Variants in TNFAIP8L1 observed in about 807,000 individuals in gnomAD.
TNFAIP8L1 encodes the protein TNF alpha induced protein 8 like 1.
For synonymous variants in TNFAIP8L1, 127 were observed against 125.6 expected, an observed-to-expected ratio of 1.01 and a Z score of -0.08; for missense variants, 225 against 266.1, an observed-to-expected ratio of 0.85 and a Z score of 1.08.
chr19:4,644,708 A>C (rs530241622), intron 1 of TNFAIP8L1, among the ~76,000 whole-genome samples: 2 of 144,704 alleles, frequency 1.4e-5, no homozygotes, highest in African/African-American at 5.2e-5. Context: ...GGTTCATGCG[A>C]GTCTCGTGAC....
intron 1 of TNFAIP8L1, among the ~76,000 whole-genome samples, chr19:4,646,515 T>C (rs2088312594): frequency 6.6e-6 from 1 of 151,988 alleles, no homozygotes; most frequent in Non-Finnish European, 1.5e-5. Context: ...AACATTCCAT[T>C]ACCACTCACC....
Position 4,652,119 on chromosome 19 carries a change from C to G in TNFAIP8L1, c.250C>G (p.Leu84Val). ...LRGDQLGGEE[L>V]ALLRRFRHRA... is the part of the protein sequence containing the mutation. The stretch of plus-strand genomic sequence containing the variant: ...TGGGGACCAGCTGGGCGGTGAGGAG[C>G]TGGCGCTGCTGCGGCGCTTCCGCCA... The change falls in exon 2 of 2, where the codon CTG becomes GTG. Residue 84 changes from leucine to valine, a missense_variant. Leu to Val is a conservative substitution (Grantham distance 32). Coordinates refer to ENST00000327473, the MANE Select transcript of TNFAIP8L1 (RefSeq NM_152362.3). The G allele has an allele frequency of 6.3e-7, 1 of 1,584,120 alleles. No individual in the cohort carries two copies. Among genetic ancestry groups the G allele is most frequent in the Non-Finnish European group, 8.6e-7 (1 of 1,165,608 alleles).
chr19:4,655,402 A>T lies in TNFAIP8L1; in HGVS notation c.*2972A>T, dbSNP rs1403322063. On this transcript the variant is annotated 3_prime_UTR_variant, in exon 2 of 2. Transcript: ENST00000327473. Reference sequence around the variant, plus strand: ...TACATGGATCCTGATTTTCTCACGAAGTCCCGATGGAACCCTGTGCTGTTG... The same window carrying T: ...TACATGGATCCTGATTTTCTCACGATGTCCCGATGGAACCCTGTGCTGTTG... 1 of 152,240 alleles carries T rather than the reference A, an allele frequency of 6.6e-6. No homozygotes were observed. The highest frequency in any genetic ancestry group is 1.5e-5 in the Non-Finnish European group (1 of 68,048). 9.4% of individuals were successfully genotyped at this position (152,240 alleles called of 1,614,324 possible). A position where few individuals can be genotyped will look rare whatever the true frequency, so the allele number is the denominator to read the frequency against.
At chr19:4,644,228 A>T (rs2363268) in intron 1 of TNFAIP8L1, among the ~76,000 whole-genome samples, 21,589 of 150,158 alleles carry the variant, frequency 0.14, 1,894 homozygotes, top group African/African-American at 0.26. Context: ...TCTCAAAAAA[A>T]TAAAATAAAA....
At position 4,654,978 on chromosome 19, in the gene TNFAIP8L1, A is replaced by T. The variant is rs935088290; in HGVS notation, c.*2548A>T. Reference sequence around the variant, plus strand: ...TGTGGGCCTTACTTGGTGAGAAGGTAGGTCTAGCTGGCTCCATTCAGTATT... The same window carrying T: ...TGTGGGCCTTACTTGGTGAGAAGGTTGGTCTAGCTGGCTCCATTCAGTATT... On this transcript the variant is annotated 3_prime_UTR_variant, in exon 2 of 2. Coordinates refer to ENST00000327473, the MANE Select transcript of TNFAIP8L1 (RefSeq NM_152362.3). The T allele has an allele frequency of 6.6e-6, 1 of 152,186 alleles. No individual in the cohort carries two copies. Among genetic ancestry groups the T allele is most frequent in the Non-Finnish European group, 1.5e-5 (1 of 68,054 alleles). The allele number at this position is 152,186 out of a possible 1,614,324, so 9.4% of individuals were successfully genotyped here.
chr19:4,641,633 C>G lies in TNFAIP8L1; in HGVS notation c.-4+2004C>G, dbSNP rs1289085096. 1 of 152,082 alleles carries G rather than the reference C, an allele frequency of 6.6e-6. No individual in the cohort carries two copies. The highest frequency in any genetic ancestry group is 1.5e-5 in the Non-Finnish European group (1 of 68,034). 9.4% of individuals were successfully genotyped at this position (152,082 alleles called of 1,614,324 possible). The stretch of plus-strand genomic sequence containing the variant: ...CAATGGGGCTGGTCATCTCCTTTTT[C>G]TTGTGGGGCTGAGATAACTGTGGGG... On this transcript the variant is annotated intron_variant, in intron 1 of 1. Coordinates refer to ENST00000327473, the MANE Select transcript of TNFAIP8L1 (RefSeq NM_152362.3). The surrounding 1 kb of genome is among the most constrained non-coding windows in gnomAD (Gnocchi z 4.6).
intron 1 of TNFAIP8L1, among the ~76,000 whole-genome samples, chr19:4,651,318 A>G (rs1164240095): frequency 6.6e-6 from 1 of 151,880 alleles, no homozygotes; most frequent in Admixed American, 6.6e-5. Context: ...TATAATAATA[A>G]TCATAATAAT....
intron 1 of TNFAIP8L1, among the ~76,000 whole-genome samples, chr19:4,647,299 G>A (rs1230270191): frequency 6.6e-6 from 1 of 152,000 alleles, no homozygotes; most frequent in Non-Finnish European, 1.5e-5. Flanking sequence ...AGGAGCCGTC[G>A]GACTGGGTTT....
At chr19:4,651,778 G>C (rs1179103145) in intron 1 of TNFAIP8L1, 89 bp from the exon 2 acceptor site, 13 of 1,388,268 alleles carry the variant, frequency 9.4e-6, no homozygotes, top group Non-Finnish European at 1.3e-5. Flanking sequence ...AATTCCGTTA[G>C]GCCCTCTGGG....
intron 1 of TNFAIP8L1, chr19:4,640,158 A>G (rs2088246394): frequency 6.6e-6 from 1 of 152,276 alleles, no homozygotes; most frequent in African/African-American, 2.4e-5. Flanking sequence ...GTCGCTGCTA[A>G]GGTAATTGGC....
At position 4,645,061 on chromosome 19, in the gene TNFAIP8L1, C is replaced by T. The variant is rs1046627386; in HGVS notation, c.-4+5432C>T. 5.9e-5 allele frequency among the ~76,000 whole-genome samples: 9 copies of T among 152,174 alleles called. No homozygotes were observed. Among genetic ancestry groups the T allele is most frequent in the African/African-American group, 9.7e-5 (4 of 41,442 alleles). On this transcript the variant is annotated intron_variant, in intron 1 of 1. Coordinates refer to ENST00000327473, the MANE Select transcript of TNFAIP8L1 (RefSeq NM_152362.3). The surrounding 1 kb of genome is among the most constrained non-coding windows in gnomAD (Gnocchi z 4.1). ...GAGACAAGACAGATGGAGCGGCTGG[C>T]GTGCACCTGCAGAGCAGATCCATCA...
At position 4,654,820 on chromosome 19, in the gene TNFAIP8L1, G is replaced by C. The variant is rs750692245; in HGVS notation, c.*2390G>C. On this transcript the variant is annotated 3_prime_UTR_variant, in exon 2 of 2. Transcript: ENST00000327473. ...TTTTTGTTTGTCAGCAGGGGGCAGGGGTTCTCAAAGATTGCAAAATGCTGC... is the reference window on the plus strand; with the variant it reads ...TTTTTGTTTGTCAGCAGGGGGCAGGCGTTCTCAAAGATTGCAAAATGCTGC... 2 of 152,178 alleles carry C rather than the reference G, an allele frequency of 1.3e-5. No individual in the cohort carries two copies. Among genetic ancestry groups the C allele is most frequent in the Non-Finnish European group, 2.9e-5 (2 of 68,048 alleles). 9.4% of individuals were successfully genotyped at this position (152,178 alleles called of 1,614,324 possible).
At chr19:4,651,371 G>C (rs1019719007) in intron 1 of TNFAIP8L1, among the ~76,000 whole-genome samples, 1 of 151,826 alleles carries the variant, frequency 6.6e-6, no homozygotes, top group African/African-American at 2.4e-5. Flanking sequence ...TTAGAGATAG[G>C]GTCTTGTTAT....
chr19:4,650,665 C>T (rs1465483611), intron 1 of TNFAIP8L1, among the ~76,000 whole-genome samples: 1 of 151,910 alleles, frequency 6.6e-6, no homozygotes, highest in Non-Finnish European at 1.5e-5. Flanking sequence ...CCTTGGCCAC[C>T]TCCCCAGTCC....
In TNFAIP8L1 at chr19:4,652,268, C is replaced by G. The variant is rs1003491780; in HGVS notation, c.399C>G (p.Pro133=). ...CRDLLHQAVG[P]HLTAKSHGRI... is the part of the protein sequence containing the mutation. ...ACCTGCTGCACCAGGCCGTGGGTCCCCACCTGACCGCCAAGTCCCACGGCC... is the reference window on the plus strand; with the variant it reads ...ACCTGCTGCACCAGGCCGTGGGTCCGCACCTGACCGCCAAGTCCCACGGCC... Residue 133 remains proline, a synonymous_variant, in exon 2 of 2, where the codon CCC becomes CCG. Coordinates refer to ENST00000327473, the MANE Select transcript of TNFAIP8L1 (RefSeq NM_152362.3). 1 of 1,564,422 alleles carries G rather than the reference C, an allele frequency of 6.4e-7. No individual in the cohort carries two copies. Among genetic ancestry groups the G allele is most frequent in the Non-Finnish European group, 8.6e-7 (1 of 1,158,404 alleles).
chr19:4,654,900 A>G lies in TNFAIP8L1; in HGVS notation c.*2470A>G, dbSNP rs2088409355. On this transcript the variant is annotated 3_prime_UTR_variant, in exon 2 of 2. Transcript: ENST00000327473. The stretch of plus-strand genomic sequence containing the variant: ...TGTGGGGGAGGTGAAACAAGGTCCC[A>G]TGACTGTTTTGCAGAACCTTGTCTG... 6.6e-6 allele frequency: 1 copy of G among 152,234 alleles called. No individual in the cohort carries two copies. Among genetic ancestry groups the G allele is most frequent in the Admixed American group, 6.5e-5 (1 of 15,276 alleles). The allele number at this position is 152,234 out of a possible 1,614,324, so 9.4% of individuals were successfully genotyped here. A position where few individuals can be genotyped will look rare whatever the true frequency, so the allele number is the denominator to read the frequency against.
At chr19:4,644,090 G>T (rs903684987) in intron 1 of TNFAIP8L1, among the ~76,000 whole-genome samples, 1 of 147,434 alleles carries the variant, frequency 6.8e-6, no homozygotes, top group Non-Finnish European at 1.5e-5. Flanking sequence ...GCGTGGTGGC[G>T]CATGCCTGTA....
chr19:4,645,700 C>T lies in TNFAIP8L1; in HGVS notation c.-4+6071C>T, dbSNP rs2088303877. 6.8e-6 allele frequency among the ~76,000 whole-genome samples: 1 copy of T among 146,892 alleles called. No individual in the cohort carries two copies. Among genetic ancestry groups the T allele is most frequent in the African/African-American group, 2.6e-5 (1 of 38,844 alleles). ...CTTTGGGAGGCTGAGGCAGGAGGAT[C>T]CGTCTCAAAAAAAAAAAAAAAAAGG... On this transcript the variant is annotated intron_variant, in intron 1 of 1. Coordinates refer to ENST00000327473, the MANE Select transcript of TNFAIP8L1 (RefSeq NM_152362.3). The surrounding 1 kb of genome is among the most constrained non-coding windows in gnomAD (Gnocchi z 4.1).
At chr19:4,644,612 T>TTG (rs1243248832) in intron 1 of TNFAIP8L1, among the ~76,000 whole-genome samples, 1 of 144,356 alleles carries the variant, frequency 6.9e-6, no homozygotes, top group African/African-American at 2.6e-5. Flanking sequence ...TGGATTTTTT[T>TTG]TTTTTTTTTT....
Sources: allele counts gnomAD v4.1 joint callset (sites outside exome capture counted in the v4.1 genomes callset), GRCh38; gene constraint gnomAD v4.1.1; non-coding constraint Gnocchi (gnomAD v3.1); transcripts MANE v1.5; gene names NCBI Gene and HGNC (gene_info 2026-07-23, HGNC 2026-07-21).